Variants in XKR4 observed in about 807,000 individuals in gnomAD.
XKR4 encodes XK related 4, also known as XK-related protein 4.
In XKR4, 12 loss-of-function variants were observed where a neutral mutation model predicts 53.9. The observed-to-expected ratio is 0.22, with a 90% CI of 0.14 to 0.36. The LOEUF is 0.36. Ranked by LOEUF, XKR4 falls within the 10% of genes least tolerant of loss-of-function variation. XKR4 has a pLI of 1.00. For missense variants in XKR4, 799 were observed against 859.5 expected, an observed-to-expected ratio of 0.93 and a Z score of 0.88; for synonymous variants, 354 against 362.4, an observed-to-expected ratio of 0.98 and a Z score of 0.26.
At chr8:55,365,430 C>T (rs753714260) in intron 2 of XKR4, among the ~76,000 whole-genome samples, 2 of 152,182 alleles carry the variant, frequency 1.3e-5, no homozygotes, top group Non-Finnish European at 2.9e-5. Context: ...GGGGGCTGGA[C>T]GCGGTGACTC....
intron 1 of XKR4, among the ~76,000 whole-genome samples, chr8:55,243,604 CCGT>C (rs1818241080): frequency 6.6e-6 from 1 of 152,212 alleles, no homozygotes; most frequent in South Asian, 2.1e-4. Context: ...AATTGCTGGG[CCGT>C]TGGTGAGAGT....
chr8:55,449,518 C>G, intron 2 of XKR4: 1 of 1,453,114 alleles, frequency 6.9e-7, no homozygotes, highest in East Asian at 2.3e-5. Context: ...CTCAGGCGTC[C>G]GACAGTCAGC....
At chr8:55,509,822 C>T (rs894331416) in intron 2 of XKR4, among the ~76,000 whole-genome samples, 4 of 152,168 alleles carry the variant, frequency 2.6e-5, no homozygotes, top group African/African-American at 4.8e-5. Context: ...TCTGTTCTTT[C>T]GGCAAGAAAG....
At chr8:55,365,894 G>A (rs900647279) in intron 2 of XKR4, among the ~76,000 whole-genome samples, 4 of 152,252 alleles carry the variant, frequency 2.6e-5, no homozygotes, top group Admixed American at 6.5e-5. Context: ...TACTGCCTGA[G>A]GAGTGCTGGG....
intron 1 of XKR4, among the ~76,000 whole-genome samples, chr8:55,255,380 G>T (rs1242899484): frequency 3.3e-5 from 5 of 152,184 alleles, no homozygotes; most frequent in Admixed American, 3.3e-4. Context: ...GGTACTTACT[G>T]TCTGCTAGCT....
chr8:55,467,239 A>G (rs774321611), intron 2 of XKR4, among the ~76,000 whole-genome samples: 23 of 152,108 alleles, frequency 1.5e-4, no homozygotes, highest in Non-Finnish European at 3.1e-4. Context: ...ACAGGACAGC[A>G]TCTGTTCCTG....
chr8:55,487,891 A>G (rs980002421), intron 2 of XKR4, among the ~76,000 whole-genome samples: 1 of 152,226 alleles, frequency 6.6e-6, no homozygotes, highest in African/African-American at 2.4e-5. Context: ...CCAATAGCAG[A>G]TAATAGTTCC....
At chr8:55,278,878 C>T (rs1163568739) in intron 1 of XKR4, among the ~76,000 whole-genome samples, 1 of 152,058 alleles carries the variant, frequency 6.6e-6, no homozygotes, top group Non-Finnish European at 1.5e-5. Context: ...CTTCTGTGGG[C>T]AACTCTTGAG....
At chr8:55,129,808 T>A (rs1369914329) in intron 1 of XKR4, among the ~76,000 whole-genome samples, 1 of 152,082 alleles carries the variant, frequency 6.6e-6, no homozygotes, top group Non-Finnish European at 1.5e-5. Flanking sequence ...AAAATTGACA[T>A]GGATGATACT....
intron 1 of XKR4, among the ~76,000 whole-genome samples, chr8:55,267,529 G>A (rs922665431): frequency 6.6e-6 from 1 of 152,114 alleles, no homozygotes; most frequent in Non-Finnish European, 1.5e-5. Flanking sequence ...CCAAAGCAAA[G>A]GGACTTATTA....
intron 1 of XKR4, among the ~76,000 whole-genome samples, chr8:55,291,039 T>A (rs934345761): frequency 6.6e-6 from 1 of 152,232 alleles, no homozygotes; most frequent in African/African-American, 2.4e-5. Context: ...AATTAACTTG[T>A]ATATAAAATG....
At chr8:55,363,623 A>T (rs1206083446) in intron 2 of XKR4, among the ~76,000 whole-genome samples, 2 of 152,178 alleles carry the variant, frequency 1.3e-5, no homozygotes, top group East Asian at 3.8e-4. Context: ...GACAGGTCCC[A>T]GCCTGTCTCC....
At chr8:55,170,720 G>A (rs941280308) in intron 1 of XKR4, among the ~76,000 whole-genome samples, 4 of 152,258 alleles carry the variant, frequency 2.6e-5, no homozygotes, top group East Asian at 3.9e-4. Context: ...CAGGCATAAC[G>A]ACTGTCATGA....
chr8:55,153,066 G>A (rs1013281287), intron 1 of XKR4, among the ~76,000 whole-genome samples: 2 of 152,168 alleles, frequency 1.3e-5, no homozygotes, highest in Non-Finnish European at 2.9e-5. Flanking sequence ...TCCCATAGGA[G>A]GATCCAGGCT....
At chr8:55,168,321 C>G (rs1262343147) in intron 1 of XKR4, among the ~76,000 whole-genome samples, 1 of 152,118 alleles carries the variant, frequency 6.6e-6, no homozygotes, top group East Asian at 1.9e-4. Flanking sequence ...ACGTAGAGGA[C>G]AGAATGGATG....
intron 2 of XKR4, among the ~76,000 whole-genome samples, chr8:55,439,789 A>T (rs1484932899): frequency 6.6e-6 from 1 of 152,216 alleles, no homozygotes; most frequent in Non-Finnish European, 1.5e-5. Flanking sequence ...GAAATTAGAG[A>T]TAGGCTATAT....
rs180946734 is a variant in XKR4 at position 55,219,828 on chromosome 8, C to T, written c.806+116534C>T. Among the ~76,000 whole-genome samples the T allele has an allele frequency of 2.9e-3, 435 of 152,186 alleles. 2 individuals are homozygous for T. The highest frequency in any genetic ancestry group is 0.014 in the Middle Eastern group (4 of 294). ...AAATAAAGTTAAACTTTTTACATAT[C>T]TTCTGTTTTATGGGAGCTTTAAGGA... On this transcript the variant is annotated intron_variant, in intron 1 of 2. Transcript: ENST00000327381.
At chr8:55,353,399 T>A (rs1252052510) in intron 1 of XKR4, among the ~76,000 whole-genome samples, 1 of 152,124 alleles carries the variant, frequency 6.6e-6, no homozygotes, top group Admixed American at 6.6e-5. Flanking sequence ...GAAATTGGGA[T>A]GATGCCTCTA....
chr8:55,191,657 CCTT>C (rs1035368228), intron 1 of XKR4, among the ~76,000 whole-genome samples: 8 of 150,996 alleles, frequency 5.3e-5, no homozygotes, highest in Middle Eastern at 3.5e-3. Context: ...TTCTTTCTCT[CCTT>C]CTCTTTTTTT....
Sources: gnomAD v4.1 joint callset for allele counts (sites outside exome capture counted in the v4.1 genomes callset) on GRCh38, gnomAD v4.1.1 for gene constraint, MANE v1.5 for transcripts, NCBI Gene and HGNC (gene_info 2026-07-23, HGNC 2026-07-21) for gene names.